Variants in MYB observed in about 807,000 individuals in gnomAD.
The protein encoded by MYB is transcriptional activator Myb.
A neutral mutation model predicts 92.9 loss-of-function variants in MYB; 28 were observed. The ratio of observed to expected loss-of-function variants is 0.30; its 90% CI spans 0.22 to 0.41. The LOEUF (loss-of-function observed/expected upper bound fraction) is 0.41. MYB is among the 10% of genes least tolerant of loss of function. The probability of loss-of-function intolerance (pLI) is 1.00; values close to 1 mark genes in which losing one functional copy is unlikely to be tolerated. For synonymous variants in MYB, 295 were observed against 329.1 expected (o/e 0.90, Z 1.12); for missense variants, 679 against 929.3 (o/e 0.73, Z 3.50).
chr6:135,201,043 C>T (rs866718480), intron 13 of MYB, among the ~76,000 whole-genome samples: 9 of 152,166 alleles, frequency 5.9e-5, no homozygotes, highest in African/African-American at 1.9e-4. Flanking sequence ...CGTACCACTG[C>T]ACTCCAGCCT....
chr6:135,197,646 C>A (rs1777515755), intron 10 of MYB, among the ~76,000 whole-genome samples: 1 of 152,146 alleles, frequency 6.6e-6, no homozygotes, highest in South Asian at 2.1e-4. Flanking sequence ...CTGATCCCTC[C>A]CTTTAAAATT....
Position 135,183,631 on chromosome 6 carries a change from G to A in MYB, c.23+2095G>A, listed in dbSNP as rs148023167. Among the ~76,000 whole-genome samples, 43 of 152,296 alleles carry A rather than the reference G, an allele frequency of 2.8e-4. No homozygotes were observed. In the East Asian group the frequency reaches 7.0e-3, roughly 25 times the overall value. ...TAGGACGACTTAGAGCAAGCAAATC[G>A]CATGCAAAGTTCAAAGGCGAGCCTG... On this transcript the variant is annotated intron_variant, in intron 1 of 15. Coordinates refer to ENST00000341911, the MANE Select transcript of MYB (RefSeq NM_001130173.2).
At chr6:135,198,803 A>G in intron 10 of MYB, 105 bp from the exon 11 acceptor site, 3 of 855,516 alleles carry the variant, frequency 3.5e-6, no homozygotes, top group Non-Finnish European at 5.4e-6. Flanking sequence ...TATTTAATAT[A>G]GTGGGTCAGG....
Position 135,217,884 on chromosome 6 carries a change from A to C in MYB, c.2190A>C (p.Glu730Asp). 6.2e-7 allele frequency: 1 copy of C among 1,612,156 alleles called. No individual in the cohort carries two copies. Among genetic ancestry groups the C allele is most frequent in the Non-Finnish European group, 8.5e-7 (1 of 1,178,446 alleles). Residue 730 changes from glutamate (E) to aspartate (D), a missense_variant, in exon 16 of 16, where the codon GAA (glutamate) becomes GAC (aspartate). Glu to Asp is a conservative substitution (Grantham distance 45). Coordinates refer to ENST00000341911, the MANE Select transcript of MYB (RefSeq NM_001130173.2). Reference protein sequence around the residue: ...SPLQPCSSTWEPASCGKMEEQ... With the variant: ...SPLQPCSSTWDPASCGKMEEQ... ...ATCAGCCTTGTAGCAGTACCTGGGA[A>C]CCTGCATCCTGTGGAAAGATGGAGG...
intron 15 of MYB, among the ~76,000 whole-genome samples, chr6:135,217,341 C>G (rs145844499): frequency 6.6e-6 from 1 of 151,568 alleles, no homozygotes; most frequent in African/African-American, 2.4e-5. Flanking sequence ...TACCGATCAG[C>G]CTGGTATGAC....
chr6:135,195,145 A>G (rs1777132576), intron 8 of MYB: 1 of 1,165,926 alleles, frequency 8.6e-7, no homozygotes, highest in Admixed American at 3.0e-5. Context: ...TGCACATGCT[A>G]GTTCGACCAC....
intron 15 of MYB, among the ~76,000 whole-genome samples, chr6:135,215,690 A>C (rs1311491181): frequency 6.6e-6 from 1 of 151,998 alleles, no homozygotes; most frequent in African/African-American, 2.4e-5. Context: ...GCAATGTACA[A>C]ATTGCAGCTT....
rs866371926 is a variant in MYB at position 135,196,725 on chromosome 6, G to T, written c.1204-236G>T. ...TTCATTTTGCTTTCCATTGCATGCA[G>T]ATGTAGAGTGTCGGGAGGTCCCTGC... On this transcript the variant is annotated intron_variant, in intron 9 of 15. Coordinates refer to ENST00000341911, the MANE Select transcript of MYB (RefSeq NM_001130173.2). 2.0e-6 allele frequency: 3 copies of T among 1,493,794 alleles called. No homozygotes were observed. In the Middle Eastern group the frequency reaches 5.2e-4, roughly 259 times the overall value. 92.5% of individuals were successfully genotyped at this position (1,493,794 alleles called of 1,614,324 possible).
intron 5 of MYB, among the ~76,000 whole-genome samples, chr6:135,191,650 G>GT (rs574861596): frequency 2.0e-5 from 3 of 152,196 alleles, no homozygotes; most frequent in East Asian, 3.9e-4. Flanking sequence ...GACTTAAACG[G>GT]TTTTTTTGAA....
At chr6:135,209,599 TTAAA>T (rs919495016) in intron 15 of MYB, among the ~76,000 whole-genome samples, 49 of 152,348 alleles carry the variant, frequency 3.2e-4, no homozygotes, top group African/African-American at 1.1e-3. Flanking sequence ...TCTACAGTGC[TTAAA>T]TAGAGGCTTT....
At chr6:135,212,221 TTA>T (rs1779802419) in intron 15 of MYB, among the ~76,000 whole-genome samples, 1 of 140,760 alleles carries the variant, frequency 7.1e-6, no homozygotes, top group Non-Finnish European at 1.5e-5. Flanking sequence ...TGCTTTGGTT[TTA>T]CTTTTTTTTT....
rs921517666 is a variant in MYB at position 135,181,316 on chromosome 6, A to G, written c.-198A>G. ...CTCTGTTTACAGAGTTTACACTTTA[A>G]TATCAACCTGTTTCCTCCTCCTCCT... On this transcript the variant is annotated 5_prime_UTR_variant, in exon 1 of 16. Coordinates refer to ENST00000341911, the MANE Select transcript of MYB (RefSeq NM_001130173.2). This position sits in a 1 kb window ranked among gnomAD's most constrained non-coding sequence, Gnocchi z 5.3. The G allele has an allele frequency of 1.6e-5, 3 of 192,804 alleles. No homozygotes were observed. The highest frequency in any genetic ancestry group is 1.0e-4 in the East Asian group (1 of 9,564). The allele number at this position is 192,804 out of a possible 1,614,324, so 11.9% of individuals were successfully genotyped here.
Position 135,217,983 on chromosome 6 carries a change from C to T in MYB, c.*3C>T, listed in dbSNP as rs761806864. 2 of 1,582,780 alleles carry T rather than the reference C, an allele frequency of 1.3e-6. No individual in the cohort carries two copies. Among genetic ancestry groups the T allele is most frequent in the Non-Finnish European group, 1.7e-6 (2 of 1,151,472 alleles). The stretch of plus-strand genomic sequence containing the variant: ...CAGCCCGGACGCTGGTCATGTGAGA[C>T]ATTTCCAGAAAAGCATTATGGTTTT... On this transcript the variant is annotated 3_prime_UTR_variant, in exon 16 of 16. Coordinates refer to ENST00000341911, the MANE Select transcript of MYB (RefSeq NM_001130173.2).
intron 10 of MYB, among the ~76,000 whole-genome samples, chr6:135,198,229 C>T (rs1777599313): frequency 1.3e-5 from 2 of 152,328 alleles, no homozygotes; most frequent in Middle Eastern, 3.4e-3. Context: ...ATTGCTTAAG[C>T]ACAGGAGTTC....
Position 135,197,159 on chromosome 6 carries a change from C to T in MYB, c.1402C>T (p.Pro468Ser). ...TTCACTTGACCCACCCAAGGTCTTA[C>T]CTCCTGCAAGGCACAGCACAATTCC... ...ESSLDPPKVL[P>S]PARHSTIPLV... Residue 468 changes from proline (P) to serine (S), a missense_variant, in exon 10 of 16, where the codon CCT (proline) becomes TCT (serine). This residue lies in a region of MYB where 402 missense variants were observed against 434.2 expected (regional missense o/e 0.93). Transcript: ENST00000341911. 3 of 1,613,990 alleles carry T rather than the reference C, an allele frequency of 1.9e-6. No homozygotes were observed. Among genetic ancestry groups the T allele is most frequent in the East Asian group, 2.2e-5 (1 of 44,886 alleles).
Position 135,181,572 on chromosome 6 carries a change from G to T in MYB, c.23+36G>T. 1 of 1,123,970 alleles carries T rather than the reference G, an allele frequency of 8.9e-7. No individual in the cohort carries two copies. The highest frequency in any genetic ancestry group is 4.1e-5 in the East Asian group (1 of 24,380). The allele number at this position is 1,123,970 out of a possible 1,614,324, so 69.6% of individuals were successfully genotyped here. Reference sequence around the variant, plus strand: ...GCCGGGCGGGCGGCCGAGGGCGGGGGCGCGCGGGGGCGCGCGGGGCGCCAG... The same window carrying T: ...GCCGGGCGGGCGGCCGAGGGCGGGGTCGCGCGGGGGCGCGCGGGGCGCCAG... On this transcript the variant is annotated intron_variant, in intron 1 of 15. Coordinates refer to ENST00000341911, the MANE Select transcript of MYB (RefSeq NM_001130173.2). This position sits in a 1 kb window ranked among gnomAD's most constrained non-coding sequence, Gnocchi z 5.3.
At chr6:135,191,730 G>A (rs1244330369) in intron 5 of MYB, among the ~76,000 whole-genome samples, 1 of 152,140 alleles carries the variant, frequency 6.6e-6, no homozygotes, top group Non-Finnish European at 1.5e-5. Context: ...AATATACTGG[G>A]GGTTAGGATC....
In MYB at chr6:135,201,765, C is replaced by A; in HGVS notation, c.2061+16C>A. 11 of 1,389,110 alleles carry A rather than the reference C, an allele frequency of 7.9e-6. No homozygotes were observed. Among genetic ancestry groups the A allele is most frequent in the Non-Finnish European group, 1.1e-5 (11 of 1,045,336 alleles). 86.0% of individuals were successfully genotyped at this position (1,389,110 alleles called of 1,614,324 possible). Reference sequence around the variant, plus strand: ...AGATGCACCGGTAAGTACGTGTGCACCAGCCCCCAAGTTGTTATGTGACAC... The same window carrying A: ...AGATGCACCGGTAAGTACGTGTGCAACAGCCCCCAAGTTGTTATGTGACAC... On this transcript the variant is annotated intron_variant, in intron 14 of 15. Transcript: ENST00000341911.
intron 10 of MYB, 36 bp downstream of exon 10, chr6:135,197,359 T>C: frequency 6.7e-7 from 1 of 1,489,870 alleles, no homozygotes; most frequent in Non-Finnish European, 9.2e-7. Context: ...TTACTCATTT[T>C]CAACAGACAC....
Sources: gnomAD v4.1 joint callset for allele counts (sites outside exome capture counted in the v4.1 genomes callset) on GRCh38, gnomAD v4.1.1 for gene constraint, gnomAD v4.1.1 regional missense constraint, Gnocchi (gnomAD v3.1) non-coding constraint, MANE v1.5 for transcripts, NCBI Gene and HGNC (gene_info 2026-07-23, HGNC 2026-07-21) for gene names.